Variants in LTBP1 observed in about 807,000 individuals in gnomAD.
The protein encoded by LTBP1 is latent transforming growth factor beta binding protein 1, also known as latent-transforming growth factor beta-binding protein 1.
LTBP1 carries 129 observed loss-of-function variants against 207.6 expected under a neutral mutation model. The ratio of observed to expected loss-of-function variants is 0.62; its 90% CI spans 0.54 to 0.72. The LOEUF (loss-of-function observed/expected upper bound fraction) is 0.72, where lower values mean the gene tolerates loss of function less well. Ranked by LOEUF, LTBP1 falls within the 30% of genes least tolerant of loss-of-function variation. LTBP1 has a pLI of 0.00. For synonymous variants in LTBP1, 963 were observed against 833.7 expected (o/e 1.16, Z -2.67); for missense variants, 2,281 against 2,217.2 (o/e 1.03, Z -0.58).
intron 23 of LTBP1, among the ~76,000 whole-genome samples, chr2:33,314,106 C>T (rs941206252): frequency 1.3e-5 from 2 of 152,166 alleles, no homozygotes; most frequent in Admixed American, 6.5e-5. Context: ...ATAAAGTCGA[C>T]AACACAAGTG....
intron 2 of LTBP1, among the ~76,000 whole-genome samples, chr2:32,965,327 C>G (rs1376202961): frequency 6.6e-6 from 1 of 152,130 alleles, no homozygotes; most frequent in Non-Finnish European, 1.5e-5. Flanking sequence ...TCGATGAACC[C>G]CTATATTATC....
chr2:33,056,591 G>C (rs2077012505), intron 3 of LTBP1: 1 of 342,338 alleles, frequency 2.9e-6, no homozygotes, highest in East Asian at 5.3e-5. Flanking sequence ...CCCTCGCAGT[G>C]AGTGTTATAG....
chr2:33,297,921 A>G (rs1419399072), intron 20 of LTBP1, among the ~76,000 whole-genome samples: 1 of 152,174 alleles, frequency 6.6e-6, no homozygotes, highest in Non-Finnish European at 1.5e-5. Context: ...CTTAAAGAGT[A>G]TAGGCCAGAA....
chr2:33,026,763 T>C (rs2075435166), intron 3 of LTBP1, among the ~76,000 whole-genome samples: 1 of 152,244 alleles, frequency 6.6e-6, no homozygotes, highest in Non-Finnish European at 1.5e-5. Flanking sequence ...TATCGTGTTA[T>C]ACATATTTAT....
intron 5 of LTBP1, among the ~76,000 whole-genome samples, chr2:33,161,810 G>T (rs941648313): frequency 1.9e-4 from 29 of 152,154 alleles, no homozygotes; most frequent in African/African-American, 7.0e-4. Context: ...AAACATTCAT[G>T]ATCGCTTTTA....
intron 3 of LTBP1, among the ~76,000 whole-genome samples, chr2:33,026,848 G>T (rs1230559450): frequency 6.6e-6 from 1 of 152,198 alleles, no homozygotes; most frequent in Non-Finnish European, 1.5e-5. Context: ...GTCTAGTGAT[G>T]ATCCCAAAGT....
intron 3 of LTBP1, among the ~76,000 whole-genome samples, chr2:33,071,896 G>T (rs2077810531): frequency 6.6e-6 from 1 of 152,206 alleles, no homozygotes; most frequent in African/African-American, 2.4e-5. Context: ...CACCGGATGT[G>T]TGGGGATTTC....
At chr2:33,330,825 A>T (rs1210504007) in intron 24 of LTBP1, among the ~76,000 whole-genome samples, 2 of 151,690 alleles carry the variant, frequency 1.3e-5, no homozygotes, top group East Asian at 3.9e-4. Context: ...AAAAAAAAAA[A>T]AAAAAATCCT....
chr2:33,268,100 T>C (rs2093228587), intron 15 of LTBP1, among the ~76,000 whole-genome samples: 1 of 152,246 alleles, frequency 6.6e-6, no homozygotes, highest in South Asian at 2.1e-4. Context: ...ACAGTATAGA[T>C]AGTCTTTGAA....
At chr2:33,229,918 T>C in intron 9 of LTBP1, among the ~76,000 whole-genome samples, 1 of 152,248 alleles carries the variant, frequency 6.6e-6, no homozygotes, top group East Asian at 1.9e-4. Context: ...GAGGCACTGC[T>C]AAATTACATT....
intron 3 of LTBP1, among the ~76,000 whole-genome samples, chr2:33,024,751 G>A (rs375306379): frequency 1.1e-4 from 17 of 152,290 alleles, no homozygotes; most frequent in African/African-American, 3.9e-4. Context: ...TCCAGGGGAG[G>A]CAATGATGTG....
intron 2 of LTBP1, among the ~76,000 whole-genome samples, chr2:32,970,285 A>AT (rs1199284925): frequency 1.3e-5 from 2 of 151,918 alleles, no homozygotes; most frequent in African/African-American, 4.8e-5. Flanking sequence ...TCCATTTGTC[A>AT]TTTTTTGTTT....
chr2:33,175,398 A>G (rs2085926142), intron 5 of LTBP1, among the ~76,000 whole-genome samples: 1 of 152,036 alleles, frequency 6.6e-6, no homozygotes, highest in Admixed American at 6.6e-5. Flanking sequence ...AAGACACATG[A>G]AAAAATGCTC....
At position 33,124,409 on chromosome 2, in the gene LTBP1, C is replaced by CA. The variant is rs150446006; in HGVS notation, c.1034-10371dup. On this transcript the variant is annotated intron_variant, in intron 4 of 33. Coordinates refer to ENST00000404816, the MANE Select transcript of LTBP1 (RefSeq NM_206943.4). ...TGGGTGATAGAACAAGACTCCGTCT[C>CA]AAAAAAAAAAAAATTATTCAAATGC... is the stretch of plus-strand genomic sequence containing the variant. Among the ~76,000 whole-genome samples, 1,137 of 141,810 alleles carry CA rather than the reference C, an allele frequency of 8.0e-3. 13 individuals carry two copies. The highest frequency in any genetic ancestry group is 0.025 in the African/African-American group (974 of 38,638). 93.0% of individuals were successfully genotyped at this position (141,810 alleles called of 152,430 possible). A position where few individuals can be genotyped will look rare whatever the true frequency, so the allele number is the denominator to read the frequency against.
At chr2:33,026,053 A>T (rs2075397791) in intron 3 of LTBP1, among the ~76,000 whole-genome samples, 1 of 152,180 alleles carries the variant, frequency 6.6e-6, no homozygotes, top group Admixed American at 6.5e-5. Context: ...TTTGTAGTAA[A>T]GGAAAAAAAA....
intron 7 of LTBP1, among the ~76,000 whole-genome samples, chr2:33,217,196 CAG>C (rs1001126101): frequency 1.3e-5 from 2 of 152,138 alleles, no homozygotes; most frequent in Non-Finnish European, 2.9e-5. Flanking sequence ...GAGATTTAAA[CAG>C]ACAGATACAA....
chr2:32,960,826 C>G (rs1678986347), intron 2 of LTBP1, among the ~76,000 whole-genome samples: 1 of 152,090 alleles, frequency 6.6e-6, no homozygotes, highest in Non-Finnish European at 1.5e-5. Flanking sequence ...GGGGATAGGC[C>G]TGGCTTGTTG....
intron 31 of LTBP1, among the ~76,000 whole-genome samples, chr2:33,374,545 T>A (rs1467429392): frequency 1.3e-5 from 2 of 152,184 alleles, no homozygotes; most frequent in Non-Finnish European, 2.9e-5. Flanking sequence ...ACAGAGAATA[T>A]CTATAAAACA....
intron 5 of LTBP1, among the ~76,000 whole-genome samples, chr2:33,184,436 G>A (rs573314872): frequency 6.6e-6 from 1 of 152,068 alleles, no homozygotes; most frequent in African/African-American, 2.4e-5. Context: ...TCCCAAATAT[G>A]CCCACCACCT....
Sources: gnomAD v4.1 joint callset for allele counts (sites outside exome capture counted in the v4.1 genomes callset) on GRCh38, gnomAD v4.1.1 for gene constraint, MANE v1.5 for transcripts, NCBI Gene and HGNC (gene_info 2026-07-23, HGNC 2026-07-21) for gene names.